Variants in PLEKHB2 observed in about 807,000 individuals in gnomAD.
The protein encoded by PLEKHB2 is pleckstrin homology domain-containing family B member 2.
PLEKHB2 carries 31 observed loss-of-function variants against 36.5 expected under a neutral mutation model. The ratio of observed to expected loss-of-function variants is 0.85; its 90% CI spans 0.64 to 1.15. The LOEUF (loss-of-function observed/expected upper bound fraction) is 1.15, where lower values mean the gene tolerates loss of function less well. Ranked by LOEUF, PLEKHB2 falls within the 50% of genes most tolerant of loss-of-function variation. The probability of loss-of-function intolerance (pLI) is 0.00; values close to 1 mark genes in which losing one functional copy is unlikely to be tolerated. For missense variants in PLEKHB2, 262 were observed against 295.3 expected, an observed-to-expected ratio of 0.89 and a Z score of 0.83; for synonymous variants, 119 against 112.0, an observed-to-expected ratio of 1.06 and a Z score of -0.39.
At chr2:131,106,684 C>A (rs1241051739) in intron 1 of PLEKHB2, among the ~76,000 whole-genome samples, 1 of 152,032 alleles carries the variant, frequency 6.6e-6, no homozygotes. Flanking sequence ...AGGACTGGAG[C>A]TTGTCTGGGC....
chr2:131,106,769 C>T (rs1573505228), intron 1 of PLEKHB2, among the ~76,000 whole-genome samples: 1 of 152,220 alleles, frequency 6.6e-6, no homozygotes, highest in East Asian at 1.9e-4. Context: ...TACTGATCTC[C>T]CTGAGGACAG....
rs1195978520 is a variant in PLEKHB2, at chr2:131,133,127, C to A, written c.423+136C>A. On this transcript the variant is annotated intron_variant, in intron 6 of 7. Transcript: ENST00000693505. ...CTTAAAACAGATGATTTCTTATCAA[C>A]GTTTGTTTTCATGAAATGAAGCAAC... 3 of 624,568 alleles carry A rather than the reference C, an allele frequency of 4.8e-6. No individual in the cohort carries two copies. The Admixed American group carries it at 8.7e-5, about 18-fold the overall frequency. 38.7% of individuals were successfully genotyped at this position (624,568 alleles called of 1,614,324 possible). A position where few individuals can be genotyped will look rare whatever the true frequency, so the allele number is the denominator to read the frequency against.
chr2:131,132,795 T>C, intron 5 of PLEKHB2, 107 bp from the exon 6 acceptor site: 1 of 687,866 alleles, frequency 1.5e-6, no homozygotes, highest in Non-Finnish European at 2.6e-6. Flanking sequence ...ATGTATCTTT[T>C]TGTTTTTTTA....
intron 4 of PLEKHB2, among the ~76,000 whole-genome samples, chr2:131,129,139 A>G (rs1697392237): frequency 6.6e-6 from 1 of 152,172 alleles, no homozygotes. Context: ...AGCCTGGCCA[A>G]CATGGTGAAA....
chr2:131,140,603 G>C (rs900442262), intron 7 of PLEKHB2, among the ~76,000 whole-genome samples: 1 of 152,210 alleles, frequency 6.6e-6, no homozygotes, highest in African/African-American at 2.4e-5. Context: ...CCTTTCAGCT[G>C]TTCTCCTTCT....
chr2:131,121,026 C>T (rs747280091), intron 2 of PLEKHB2, 48 bp downstream of exon 2: 3 of 1,582,212 alleles, frequency 1.9e-6, no homozygotes, highest in Non-Finnish European at 2.6e-6. Flanking sequence ...GAAGGGCAGT[C>T]TCTATTTCTG....
intron 2 of PLEKHB2, among the ~76,000 whole-genome samples, chr2:131,122,331 T>C (rs1352886472): frequency 6.6e-6 from 1 of 152,248 alleles, no homozygotes; most frequent in African/African-American, 2.4e-5. Flanking sequence ...ATGTCATTTA[T>C]GATTCTAGTC....
chr2:131,133,788 T>C (rs1444359848), intron 6 of PLEKHB2, among the ~76,000 whole-genome samples: 10 of 152,218 alleles, frequency 6.6e-5, no homozygotes. Context: ...CAATGTCATA[T>C]AAATGAAATC....
chr2:131,109,393 TGAAA>T (rs1559041740), intron 1 of PLEKHB2, among the ~76,000 whole-genome samples: 1 of 152,130 alleles, frequency 6.6e-6, no homozygotes, highest in Non-Finnish European at 1.5e-5. Context: ...GTACATAGAT[TGAAA>T]GACCAAATAG....
rs568618292 is a variant in PLEKHB2, at chr2:131,114,387, G to A, written c.-8-6547G>A. 7.9e-5 allele frequency among the ~76,000 whole-genome samples: 12 copies of A among 152,326 alleles called. No individual in the cohort carries two copies. In the South Asian group the frequency reaches 2.5e-3, roughly 32 times the overall value. On this transcript the variant is annotated intron_variant, in intron 1 of 7. Coordinates refer to ENST00000693505, the MANE Select transcript of PLEKHB2 (RefSeq NM_001100623.2). ...GATCCACCCTCCTCAGCCTCCCAAA[G>A]TGCTGGGATTACAGGCGTGAGCCAT...
At chr2:131,120,704 G>T (rs1696416626) in intron 1 of PLEKHB2, 2 of 601,400 alleles carry the variant, frequency 3.3e-6, no homozygotes, top group South Asian at 3.8e-5. Context: ...GGTCAGGTGG[G>T]CTGGGTGGTG....
At chr2:131,122,932 G>A (rs1379135542) in intron 2 of PLEKHB2, among the ~76,000 whole-genome samples, 1 of 152,276 alleles carries the variant, frequency 6.6e-6, no homozygotes, top group South Asian at 2.1e-4. Context: ...AGACCTTGAG[G>A]GTGTGCCCTC....
At chr2:131,145,350 T>C (rs1699179917) in intron 7 of PLEKHB2, among the ~76,000 whole-genome samples, 1 of 152,192 alleles carries the variant, frequency 6.6e-6, no homozygotes, top group Non-Finnish European at 1.5e-5. Context: ...TTTCTTTTTT[T>C]GTGTGTTTGA....
At chr2:131,140,572 A>G (rs1009325835) in intron 7 of PLEKHB2, among the ~76,000 whole-genome samples, 4 of 152,178 alleles carry the variant, frequency 2.6e-5, no homozygotes, top group African/African-American at 9.7e-5. Flanking sequence ...TAAGAGGCCT[A>G]TTTTAAGGGA....
rs534132708 is a variant in PLEKHB2 at position 131,110,008 on chromosome 2, G to A, written c.-9+4610G>A. Among the ~76,000 whole-genome samples the A allele has an allele frequency of 3.2e-3, 490 of 152,038 alleles. 1 individual carries two copies. Among genetic ancestry groups the A allele is most frequent in the Non-Finnish European group, 5.6e-3 (381 of 67,980 alleles). ...CGGTTGCCTGTAGTCCCAGCTATTC[G>A]GGAGGCTGAGGCAGGAGAATGGCAT... On this transcript the variant is annotated intron_variant, in intron 1 of 7. Coordinates refer to ENST00000693505, the MANE Select transcript of PLEKHB2 (RefSeq NM_001100623.2).
intron 1 of PLEKHB2, among the ~76,000 whole-genome samples, chr2:131,113,230 T>C (rs1695508429): frequency 6.6e-6 from 1 of 152,050 alleles, no homozygotes; most frequent in African/African-American, 2.4e-5. Context: ...TACAGGTGTG[T>C]GCCACCATGC....
chr2:131,108,135 AG>A (rs1431414970), intron 1 of PLEKHB2: 1 of 152,238 alleles, frequency 6.6e-6, no homozygotes, highest in Non-Finnish European at 1.5e-5. Context: ...AAGGCAAAGT[AG>A]GCTTCAGGCT....
intron 1 of PLEKHB2, among the ~76,000 whole-genome samples, chr2:131,119,514 C>T (rs1431784863): frequency 1.3e-5 from 2 of 152,204 alleles, no homozygotes; most frequent in Non-Finnish European, 2.9e-5. Context: ...TGGCGCGCTT[C>T]TGCAGTATGT....
At position 131,105,339 on chromosome 2, in the gene PLEKHB2, T is replaced by G. The variant is rs1394299953; in HGVS notation, c.-68T>G. The G allele has an allele frequency of 6.6e-6, 1 of 152,134 alleles. No homozygotes were observed. Among genetic ancestry groups the G allele is most frequent in the African/African-American group, 2.4e-5 (1 of 41,418 alleles). The allele number at this position is 152,134 out of a possible 1,614,324, so 9.4% of individuals were successfully genotyped here. A position where few individuals can be genotyped will look rare whatever the true frequency, so the allele number is the denominator to read the frequency against. ...GCCAGGACGCCGGACGTGCGGCAGT[T>G]GCAGGCGAGCAGGCGAGGAATCGCC... On this transcript the variant is annotated 5_prime_UTR_variant, in exon 1 of 8. Coordinates refer to ENST00000693505, the MANE Select transcript of PLEKHB2 (RefSeq NM_001100623.2).
Sources: gnomAD v4.1 joint callset for allele counts (sites outside exome capture counted in the v4.1 genomes callset) on GRCh38, gnomAD v4.1.1 for gene constraint, MANE v1.5 for transcripts, NCBI Gene and HGNC (gene_info 2026-07-23, HGNC 2026-07-21) for gene names.